ZCCHC4: variants seen among roughly 807,000 people sequenced by gnomAD.
The protein encoded by ZCCHC4 is rRNA N(6)-adenosine-methyltransferase ZCCHC4.
A neutral mutation model predicts 67.7 loss-of-function variants in ZCCHC4; 54 were observed. The ratio of observed to expected loss-of-function variants is 0.80; its 90% CI spans 0.64 to 1.00. The LOEUF (loss-of-function observed/expected upper bound fraction) is 1.00, where lower values mean the gene tolerates loss of function less well. Among genes scored for constraint, ZCCHC4 ranks in the 50% least tolerant of loss-of-function variants. The pLI, the probability that ZCCHC4 is intolerant of heterozygous loss-of-function variation, is 0.00. For synonymous variants in ZCCHC4, 198 were observed against 213.5 expected, an observed-to-expected ratio of 0.93 and a Z score of 0.63; for missense variants, 609 against 617.0, an observed-to-expected ratio of 0.99 and a Z score of 0.14.
chr4:25,349,714 A>C, intron 7 of ZCCHC4, 72 bp downstream of exon 7: 11 of 1,485,394 alleles, frequency 7.4e-6, no homozygotes, highest in Non-Finnish European at 1.0e-5. Context: ...AGCTGAGCTC[A>C]GTGAATCAGA....
chr4:25,365,753 A>G, intron 12 of ZCCHC4: 2 of 985,514 alleles, frequency 2.0e-6, no homozygotes, highest in Non-Finnish European at 2.4e-6. Context: ...AACTCAGAGT[A>G]TGGGGATACC....
At chr4:25,322,399 C>T (rs1485138002) in intron 3 of ZCCHC4, among the ~76,000 whole-genome samples, 1 of 152,168 alleles carries the variant, frequency 6.6e-6, no homozygotes, top group African/African-American at 2.4e-5. Context: ...TATGGATTTG[C>T]CTATTCTAGA....
chr4:25,314,734 G>A (rs1042856321), intron 2 of ZCCHC4, among the ~76,000 whole-genome samples: 6 of 152,138 alleles, frequency 3.9e-5, no homozygotes, highest in Non-Finnish European at 8.8e-5. Flanking sequence ...TTGGGGTTAA[G>A]GCTTCAACAT....
chr4:25,317,262 T>C (rs1397212375), intron 3 of ZCCHC4, among the ~76,000 whole-genome samples: 1 of 152,210 alleles, frequency 6.6e-6, no homozygotes, highest in Non-Finnish European at 1.5e-5. Context: ...ATATTTTTCC[T>C]GAGCTGTTTA....
intron 12 of ZCCHC4, among the ~76,000 whole-genome samples, chr4:25,368,428 T>G (rs1008117832): frequency 2.6e-5 from 4 of 152,214 alleles, no homozygotes; most frequent in Non-Finnish European, 1.5e-5. Flanking sequence ...TTCAGTGTTT[T>G]CAGAGGGTGA....
chr4:25,346,024 C>G (rs1719993663), intron 6 of ZCCHC4, among the ~76,000 whole-genome samples: 1 of 152,134 alleles, frequency 6.6e-6, no homozygotes, highest in African/African-American at 2.4e-5. Context: ...TGTCTTTTGC[C>G]TTGATAACCT....
At chr4:25,329,683 T>G (rs954488307) in intron 3 of ZCCHC4, among the ~76,000 whole-genome samples, 2 of 151,754 alleles carry the variant, frequency 1.3e-5, no homozygotes, top group African/African-American at 4.8e-5. Context: ...TATAGGCGCA[T>G]GCCACCATGC....
rs957382169 is a variant in ZCCHC4 at position 25,361,708 on chromosome 4, C to T, written c.1012-151C>T. On this transcript the variant is annotated intron_variant, in intron 8 of 12. Coordinates refer to ENST00000302874, the MANE Select transcript of ZCCHC4 (RefSeq NM_024936.3). ...CCACCACTGGTCCACCCACTCCCCT[C>T]AGTCCTCAGCTTGGACTGGAACCTG... The T allele has an allele frequency of 6.9e-6, 5 of 728,278 alleles. No homozygotes were observed. In the East Asian group the frequency reaches 1.1e-4, roughly 16 times the overall value. The allele number at this position is 728,278 out of a possible 1,614,324, so 45.1% of individuals were successfully genotyped here.
intron 12 of ZCCHC4, chr4:25,366,231 CTACTT>C (rs1720941273): frequency 1.1e-6 from 1 of 928,624 alleles, no homozygotes; most frequent in African/African-American, 1.8e-5. Flanking sequence ...TACATTTACT[CTACTT>C]TAAATAATTA....
chr4:25,317,305 G>A (rs1279775277), intron 3 of ZCCHC4, among the ~76,000 whole-genome samples: 2 of 152,120 alleles, frequency 1.3e-5, no homozygotes, highest in Non-Finnish European at 2.9e-5. Context: ...GATACAGGAG[G>A]CATTTCTCAG....
chr4:25,315,295 A>T (rs779732712), intron 2 of ZCCHC4, 23 bp from the exon 3 acceptor site: 1 of 1,590,394 alleles, frequency 6.3e-7, no homozygotes. Context: ...AGTTTATTCA[A>T]TGGGTTTTGT....
intron 12 of ZCCHC4, among the ~76,000 whole-genome samples, chr4:25,367,070 A>G (rs1720980797): frequency 6.6e-6 from 1 of 152,204 alleles, no homozygotes; most frequent in South Asian, 2.1e-4. Flanking sequence ...TTTCTTTACA[A>G]TAGTGAAAAA....
In ZCCHC4 at chr4:25,350,329, C is replaced by T. The variant is rs371106322; in HGVS notation, c.910+687C>T. Among the ~76,000 whole-genome samples the T allele has an allele frequency of 5.0e-5, 7 of 138,926 alleles. No individual in the cohort carries two copies. The East Asian group carries it at 1.3e-3, about 26-fold the overall frequency. The allele number at this position is 138,926 out of a possible 152,430, so 91.1% of individuals were successfully genotyped here. On this transcript the variant is annotated intron_variant, in intron 7 of 12. Transcript: ENST00000302874. ...AGTCTGGAGTGCAGTGGTACAATCT[C>T]GGCTCACTGCAACCTCTGCTTCCCA...
intron 7 of ZCCHC4, among the ~76,000 whole-genome samples, chr4:25,349,949 A>G (rs1474457721): frequency 6.6e-6 from 1 of 152,150 alleles, no homozygotes; most frequent in Non-Finnish European, 1.5e-5. Flanking sequence ...CCGAGTGGCC[A>G]CTGTGTGCCA....
chr4:25,327,727 T>C (rs1718964398), intron 3 of ZCCHC4, among the ~76,000 whole-genome samples: 1 of 152,132 alleles, frequency 6.6e-6, no homozygotes, highest in Non-Finnish European at 1.5e-5. Context: ...GCCGTCCTCC[T>C]GCCTCAGGCT....
intron 7 of ZCCHC4, among the ~76,000 whole-genome samples, chr4:25,351,201 G>T (rs1720282662): frequency 6.6e-6 from 1 of 152,206 alleles, no homozygotes; most frequent in African/African-American, 2.4e-5. Context: ...TTGTGGCAGA[G>T]CTGGGATTCA....
intron 5 of ZCCHC4, among the ~76,000 whole-genome samples, chr4:25,336,054 G>A (rs1481657725): frequency 1.3e-5 from 2 of 152,160 alleles, no homozygotes; most frequent in Non-Finnish European, 2.9e-5. Context: ...CCATTTAAAA[G>A]TATATATTTC....
chr4:25,354,160 AAAG>A (rs138739216), intron 8 of ZCCHC4, among the ~76,000 whole-genome samples: 20,498 of 152,178 alleles, frequency 0.13, 1,829 homozygotes, highest in Non-Finnish European at 0.21. Context: ...TGAGAGGACA[AAAG>A]AAGACAGATC....
At position 25,355,398 on chromosome 4, in the gene ZCCHC4, C is replaced by G. The variant is rs115612097; in HGVS notation, c.1011+3709C>G. On this transcript the variant is annotated intron_variant, in intron 8 of 12. Coordinates refer to ENST00000302874, the MANE Select transcript of ZCCHC4 (RefSeq NM_024936.3). ...TGGAGAATTTGTTGAGAATACCAGG[C>G]TTGGTAGCAAAGAGTAATGTGATTA... Among the ~76,000 whole-genome samples the G allele has an allele frequency of 6.5e-3, 992 of 152,274 alleles. 7 individuals are homozygous for G. Among genetic ancestry groups the G allele is most frequent in the African/African-American group, 0.023 (939 of 41,562 alleles).
Sources: gnomAD v4.1 joint callset for allele counts (sites outside exome capture counted in the v4.1 genomes callset) on GRCh38, gnomAD v4.1.1 for gene constraint, MANE v1.5 for transcripts, NCBI Gene and HGNC (gene_info 2026-07-23, HGNC 2026-07-21) for gene names.